The following AMBRA1 variants were observed in gnomAD, a reference collection of about 807,000 sequenced individuals.
AMBRA1 encodes the protein activating molecule in BECN1-regulated autophagy protein 1.
A neutral mutation model predicts 125.4 loss-of-function variants in AMBRA1; 47 were observed. That is an observed-to-expected ratio of 0.37 (90% confidence interval 0.30 to 0.48). The LOEUF is 0.48. Ranked by LOEUF, AMBRA1 falls within the 20% of genes least tolerant of loss-of-function variation. The pLI is 0.99. For synonymous variants in AMBRA1, 626 were observed against 655.5 expected, an observed-to-expected ratio of 0.95 and a Z score of 0.69; for missense variants, 1,331 against 1,693.4, an observed-to-expected ratio of 0.79 and a Z score of 3.76.
At chr11:46,548,040 C>G (rs1340359248) in intron 2 of AMBRA1, among the ~76,000 whole-genome samples, 165 bp from the exon 3 acceptor site, 1 of 152,104 alleles carries the variant, frequency 6.6e-6, no homozygotes, top group Non-Finnish European at 1.5e-5. Flanking sequence ...CCTAAATTAC[C>G]TTCAGGAAAA....
chr11:46,495,417 T>C (rs964535499), intron 9 of AMBRA1: 3 of 152,226 alleles, frequency 2.0e-5, no homozygotes, highest in Non-Finnish European at 4.4e-5. Flanking sequence ...CTTGGTAGAA[T>C]TGGCTGCCGA....
At chr11:46,539,172 T>C (rs1447016714) in intron 7 of AMBRA1, among the ~76,000 whole-genome samples, 2 of 152,134 alleles carry the variant, frequency 1.3e-5, no homozygotes, top group African/African-American at 2.4e-5. Flanking sequence ...TATAGGTGTA[T>C]GGAAGCTCAG....
chr11:46,428,420 G>A (rs916254927), intron 14 of AMBRA1, among the ~76,000 whole-genome samples: 1 of 152,116 alleles, frequency 6.6e-6, no homozygotes, highest in Non-Finnish European at 1.5e-5. Context: ...TTCTATCCCA[G>A]AGCTTCCTCC....
intron 11 of AMBRA1, among the ~76,000 whole-genome samples, chr11:46,451,116 C>T (rs1948570289): frequency 1.3e-5 from 2 of 152,202 alleles, no homozygotes; most frequent in Admixed American, 1.3e-4. Context: ...TCATATCTAT[C>T]ATATAACCAC....
intron 11 of AMBRA1, among the ~76,000 whole-genome samples, chr11:46,454,782 G>C (rs1036993710): frequency 2.7e-5 from 4 of 149,132 alleles, no homozygotes; most frequent in African/African-American, 9.8e-5. Flanking sequence ...GAAAGAAAGA[G>C]AAATTAACCT....
chr11:46,508,125 T>C, intron 9 of AMBRA1, 66 bp downstream of exon 9: 2 of 1,548,182 alleles, frequency 1.3e-6, no homozygotes, highest in Non-Finnish European at 8.9e-7. Flanking sequence ...GCTCCAACAG[T>C]GGCCAACTTG....
intron 11 of AMBRA1, among the ~76,000 whole-genome samples, chr11:46,480,994 G>A (rs1172721622): frequency 6.6e-6 from 1 of 152,172 alleles, no homozygotes; most frequent in Non-Finnish European, 1.5e-5. Context: ...TAAAGGTCTG[G>A]AAAACTTCAG....
At chr11:46,400,728 C>T (rs937182868) in intron 17 of AMBRA1, among the ~76,000 whole-genome samples, 8 of 151,962 alleles carry the variant, frequency 5.3e-5, no homozygotes, top group Non-Finnish European at 1.0e-4. Context: ...CTCAAGCAAT[C>T]CTCCTGCCTT....
chr11:46,502,719 A>G (rs1208609797), intron 9 of AMBRA1, among the ~76,000 whole-genome samples: 1 of 152,210 alleles, frequency 6.6e-6, no homozygotes, highest in African/African-American at 2.4e-5. Flanking sequence ...CTTCTTTGCC[A>G]TGACTCAACT....
chr11:46,474,929 C>T (rs1189773949), intron 11 of AMBRA1, among the ~76,000 whole-genome samples: 1 of 152,096 alleles, frequency 6.6e-6, no homozygotes, highest in Non-Finnish European at 1.5e-5. Context: ...GAGAAATGGA[C>T]ATTTTAAGGC....
In AMBRA1 at chr11:46,571,273, C is replaced by T. The variant is rs139787433; in HGVS notation, c.-121+22555G>A. 1.4e-4 allele frequency among the ~76,000 whole-genome samples: 22 copies of T among 152,276 alleles called. 1 individual carries two copies. In the East Asian group the frequency reaches 3.5e-3, roughly 24 times the overall value. ...CAAAGCTCCTTCTCCAAAAATAACC[C>T]TGTAATTTTTAGAAATTCTAGCAAT... On this transcript the variant is annotated intron_variant, in intron 1 of 17. Coordinates refer to ENST00000683756, the MANE Select transcript of AMBRA1 (RefSeq NM_001387011.1).
At chr11:46,545,898 C>T in intron 4 of AMBRA1, 122 bp from the exon 5 acceptor site, 2 of 849,360 alleles carry the variant, frequency 2.4e-6, no homozygotes, top group South Asian at 1.8e-5. Flanking sequence ...TTAAATACAT[C>T]CTCTGTAAAA....
At chr11:46,534,172 G>C (rs1952353813) in intron 7 of AMBRA1, among the ~76,000 whole-genome samples, 1 of 149,510 alleles carries the variant, frequency 6.7e-6, no homozygotes, top group African/African-American at 2.5e-5. Context: ...CCATTAGAAT[G>C]AGAGAATTAT....
At chr11:46,428,868 G>A (rs1247052186) in intron 14 of AMBRA1, 24 of 1,611,580 alleles carry the variant, frequency 1.5e-5, no homozygotes, top group African/African-American at 5.3e-5. Flanking sequence ...CGGCTACGGC[G>A]TAGGATGGCA....
chr11:46,466,312 A>T (rs942162033), intron 11 of AMBRA1, among the ~76,000 whole-genome samples: 2 of 151,400 alleles, frequency 1.3e-5, no homozygotes, highest in African/African-American at 4.9e-5. Flanking sequence ...GTGCCACTGC[A>T]CTCTAGCCTG....
At chr11:46,516,530 G>A (rs952181060) in intron 7 of AMBRA1, among the ~76,000 whole-genome samples, 16 of 146,528 alleles carry the variant, frequency 1.1e-4, no homozygotes, top group African/African-American at 3.3e-4. Flanking sequence ...TCCTGGGTTC[G>A]AGCCATTCTC....
At chr11:46,462,307 C>A (rs1482945142) in intron 11 of AMBRA1, among the ~76,000 whole-genome samples, 1 of 152,156 alleles carries the variant, frequency 6.6e-6, no homozygotes, top group African/African-American at 2.4e-5. Context: ...TCTCTATATG[C>A]CCCTTGGGGT....
chr11:46,530,989 C>CA (rs1952190289), intron 7 of AMBRA1, among the ~76,000 whole-genome samples: 1 of 152,118 alleles, frequency 6.6e-6, no homozygotes, highest in Admixed American at 6.5e-5. Context: ...ATTCAAGGAA[C>CA]TCTCCTGCCT....
chr11:46,461,198 C>T (rs991458924), intron 11 of AMBRA1, among the ~76,000 whole-genome samples: 1 of 152,164 alleles, frequency 6.6e-6, no homozygotes, highest in African/African-American at 2.4e-5. Flanking sequence ...AGCTGTGATC[C>T]TGCTATTGCA....
Sources: gnomAD v4.1 joint callset for allele counts (sites outside exome capture counted in the v4.1 genomes callset) on GRCh38, gnomAD v4.1.1 for gene constraint, MANE v1.5 for transcripts, NCBI Gene and HGNC (gene_info 2026-07-23, HGNC 2026-07-21) for gene names.